The following CDH9 variants were observed in gnomAD, a reference collection of about 807,000 sequenced individuals.
CDH9 encodes cadherin-9.
Under a neutral mutation model 70.9 loss-of-function variants are expected in CDH9, and 28 were observed. The observed-to-expected ratio is 0.40, with a 90% CI of 0.29 to 0.54. CDH9 has a LOEUF of 0.54. Ranked by LOEUF, CDH9 falls within the 20% of genes least tolerant of loss-of-function variation. CDH9 has a pLI of 0.59. For missense variants in CDH9, 874 were observed against 984.4 expected, an observed-to-expected ratio of 0.89 and a Z score of 1.50; for synonymous variants, 409 against 343.1, an observed-to-expected ratio of 1.19 and a Z score of -2.12.
chr5:26,968,806 A>G (rs941697235), intron 2 of CDH9, among the ~76,000 whole-genome samples: 6 of 151,940 alleles, frequency 3.9e-5, no homozygotes, highest in African/African-American at 1.5e-4. Context: ...AAATGGATAG[A>G]AGTATTAGTA....
chr5:26,898,228 C>T (rs1304030438), intron 7 of CDH9, among the ~76,000 whole-genome samples: 2 of 152,198 alleles, frequency 1.3e-5, no homozygotes, highest in Admixed American at 6.5e-5. Context: ...GAATCAGTAT[C>T]GTGAAAATGG....
intron 2 of CDH9, among the ~76,000 whole-genome samples, chr5:26,975,290 G>T (rs913661102): frequency 3.3e-5 from 5 of 152,116 alleles, no homozygotes; most frequent in Non-Finnish European, 5.9e-5. Flanking sequence ...TTGAAGGTTT[G>T]AATTATTTTC....
At chr5:26,951,663 G>GT (rs1381512991) in intron 2 of CDH9, among the ~76,000 whole-genome samples, 3 of 152,110 alleles carry the variant, frequency 2.0e-5, no homozygotes, top group African/African-American at 7.2e-5. Flanking sequence ...AATATTCTGA[G>GT]TTTTTTCCTA....
At chr5:26,991,487 C>T (rs1413952170) in intron 1 of CDH9, among the ~76,000 whole-genome samples, 19 of 152,132 alleles carry the variant, frequency 1.2e-4, no homozygotes, top group East Asian at 1.9e-4. Context: ...CCTACAGAAT[C>T]GTAATGAAGC....
At chr5:27,015,864 A>G (rs1743038291) in intron 1 of CDH9, among the ~76,000 whole-genome samples, 1 of 151,714 alleles carries the variant, frequency 6.6e-6, no homozygotes, top group Non-Finnish European at 1.5e-5. Flanking sequence ...TTACCATGTC[A>G]TTATCTCCTG....
intron 2 of CDH9, among the ~76,000 whole-genome samples, chr5:26,972,505 C>T (rs1297511351): frequency 6.6e-6 from 1 of 152,026 alleles, no homozygotes; most frequent in African/African-American, 2.4e-5. Flanking sequence ...CCTGTGGAAC[C>T]CCCCCACAAA....
At chr5:27,025,037 A>G (rs1031137843) in intron 1 of CDH9, among the ~76,000 whole-genome samples, 23 of 152,112 alleles carry the variant, frequency 1.5e-4, no homozygotes, top group African/African-American at 5.5e-4. Flanking sequence ...GCATTTCCTT[A>G]TAGAAAATAT....
chr5:26,955,101 C>T (rs908738910), intron 2 of CDH9, among the ~76,000 whole-genome samples: 1 of 152,232 alleles, frequency 6.6e-6, no homozygotes, highest in African/African-American at 2.4e-5. Flanking sequence ...CTGTTACTCA[C>T]TGTAACTTAA....
intron 2 of CDH9, among the ~76,000 whole-genome samples, chr5:26,923,089 C>CAAA (rs76197543): frequency 8.9e-6 from 1 of 112,664 alleles, no homozygotes; most frequent in Non-Finnish European, 1.9e-5. Context: ...AAAAAAAACA[C>CAAA]AAAAAAAAAA....
intron 1 of CDH9, among the ~76,000 whole-genome samples, chr5:27,008,963 A>G (rs1313562528): frequency 1.3e-5 from 2 of 152,216 alleles, no homozygotes; most frequent in Non-Finnish European, 2.9e-5. Flanking sequence ...TCATGAACCA[A>G]ATAAGGTTAC....
At chr5:26,904,009 A>T (rs1333228013) in intron 5 of CDH9, among the ~76,000 whole-genome samples, 185 bp from the exon 6 acceptor site, 2 of 152,140 alleles carry the variant, frequency 1.3e-5, no homozygotes, top group Non-Finnish European at 2.9e-5. Flanking sequence ...GAACACTCTC[A>T]TTTAGTAAAT....
At chr5:26,884,048 C>A (rs1050062333) in intron 11 of CDH9, among the ~76,000 whole-genome samples, 1 of 152,006 alleles carries the variant, frequency 6.6e-6, no homozygotes, top group Non-Finnish European at 1.5e-5. Flanking sequence ...ATATAAATTT[C>A]TAAATTAGAA....
chr5:27,008,047 A>G (rs1310543489), intron 1 of CDH9, among the ~76,000 whole-genome samples: 1 of 152,204 alleles, frequency 6.6e-6, no homozygotes, highest in Admixed American at 6.5e-5. Flanking sequence ...AACTGAATGA[A>G]CAGTAAACCT....
intron 1 of CDH9, among the ~76,000 whole-genome samples, chr5:26,990,676 G>C (rs898208650): frequency 6.6e-6 from 1 of 152,166 alleles, no homozygotes; most frequent in African/African-American, 2.4e-5. Flanking sequence ...TTTTGTAGCT[G>C]AGTGATGCTG....
intron 2 of CDH9, among the ~76,000 whole-genome samples, chr5:26,916,130 A>G (rs574119373): frequency 3.3e-5 from 5 of 151,988 alleles, no homozygotes. Context: ...AGACATCATA[A>G]TGGACTAGAT....
chr5:26,946,679 T>C (rs1741759461), intron 2 of CDH9, among the ~76,000 whole-genome samples: 1 of 152,184 alleles, frequency 6.6e-6, no homozygotes, highest in Non-Finnish European at 1.5e-5. Context: ...GCAGTTATTC[T>C]CATCGCTGGT....
At chr5:27,035,522 T>C (rs1193355709) in intron 1 of CDH9, among the ~76,000 whole-genome samples, 1 of 151,792 alleles carries the variant, frequency 6.6e-6, no homozygotes, top group African/African-American at 2.4e-5. Context: ...CAATGTCCTT[T>C]GGATTATATT....
chr5:26,960,655 T>C (rs1238896447), intron 2 of CDH9, among the ~76,000 whole-genome samples: 1 of 152,000 alleles, frequency 6.6e-6, no homozygotes, highest in Non-Finnish European at 1.5e-5. Flanking sequence ...GATAACACTT[T>C]ATATGCACTA....
chr5:26,994,762 G>A (rs1742639734), intron 1 of CDH9, among the ~76,000 whole-genome samples: 1 of 152,126 alleles, frequency 6.6e-6, no homozygotes, highest in Non-Finnish European at 1.5e-5. Flanking sequence ...AGCATGGACT[G>A]ACTAGAACAA....
Sources: gnomAD v4.1 joint callset for allele counts (sites outside exome capture counted in the v4.1 genomes callset) on GRCh38, gnomAD v4.1.1 for gene constraint, MANE v1.5 for transcripts, NCBI Gene and HGNC (gene_info 2026-07-23, HGNC 2026-07-21) for gene names.